ASAP1: variants seen among roughly 807,000 people sequenced by gnomAD.
ASAP1 encodes arf-GAP with SH3 domain, ANK repeat and PH domain-containing protein 1.
ASAP1 carries 43 observed loss-of-function variants against 145.2 expected under a neutral mutation model. That is an observed-to-expected ratio of 0.30 (90% confidence interval 0.23 to 0.38). ASAP1 has a LOEUF of 0.38. ASAP1 is among the 10% of genes least tolerant of loss of function. The pLI, the probability that ASAP1 is intolerant of heterozygous loss-of-function variation, is 1.00. For synonymous variants in ASAP1, 546 were observed against 515.5 expected (o/e 1.06, Z -0.80); for missense variants, 1,018 against 1,355.3 (o/e 0.75, Z 3.91).
intron 25 of ASAP1, among the ~76,000 whole-genome samples, chr8:130,082,501 CT>C (rs11414704): frequency 1.6e-3 from 205 of 130,660 alleles, no homozygotes; most frequent in East Asian, 2.5e-3. Context: ...CACACGTGGC[CT>C]TTTTTTTTTT....
At chr8:130,431,898 A>C (rs75305704) in intron 1 of ASAP1, among the ~76,000 whole-genome samples, 1,684 of 115,940 alleles carry the variant, frequency 0.015, 44 homozygotes, top group African/African-American at 0.055. Flanking sequence ...GAAGATAAGG[A>C]GGGGGAAATG....
In ASAP1 at chr8:130,347,953, T is replaced by C. The variant is rs575057057; in HGVS notation, c.186+10064A>G. Among the ~76,000 whole-genome samples the C allele has an allele frequency of 5.3e-5, 8 of 152,288 alleles. No individual in the cohort carries two copies. In the East Asian group the frequency reaches 1.5e-3, roughly 29 times the overall value. ...TGCTGGGGAAGGGGAAGGGACCTCTTACAATAAAACAGCCTAACACACTTG... is the reference window on the plus strand; with the variant it reads ...TGCTGGGGAAGGGGAAGGGACCTCTCACAATAAAACAGCCTAACACACTTG... On this transcript the variant is annotated intron_variant, in intron 3 of 29. Coordinates refer to ENST00000518721, the MANE Select transcript of ASAP1 (RefSeq NM_018482.4).
chr8:130,150,115 A>C lies in ASAP1; in HGVS notation c.1080+2621T>G, dbSNP rs560834814. Among the ~76,000 whole-genome samples, 10 of 152,366 alleles carry C rather than the reference A, an allele frequency of 6.6e-5. No individual in the cohort carries two copies. In the East Asian group the frequency reaches 1.9e-3, roughly 29 times the overall value. On this transcript the variant is annotated intron_variant, in intron 13 of 29. Transcript: ENST00000518721. ...ATGTTATCTCACTGAATCCTCATATAATCTTTATGTGTTAAATACTTTTCT... is the reference window on the plus strand; with the variant it reads ...ATGTTATCTCACTGAATCCTCATATCATCTTTATGTGTTAAATACTTTTCT...
chr8:130,311,340 T>G (rs1823328010), intron 3 of ASAP1, among the ~76,000 whole-genome samples: 1 of 152,256 alleles, frequency 6.6e-6, no homozygotes, highest in Non-Finnish European at 1.5e-5. Flanking sequence ...TAGAGAAATT[T>G]ACGTCTAAAA....
intron 3 of ASAP1, among the ~76,000 whole-genome samples, chr8:130,330,426 C>G (rs79953081): frequency 6.6e-6 from 1 of 152,342 alleles, no homozygotes; most frequent in South Asian, 2.1e-4. Flanking sequence ...CAGCTCTGAC[C>G]GGTCTATGCT....
chr8:130,239,088 G>T (rs1157514154), intron 3 of ASAP1, among the ~76,000 whole-genome samples: 2 of 152,072 alleles, frequency 1.3e-5, no homozygotes, highest in Admixed American at 1.3e-4. Flanking sequence ...AAGACACTTT[G>T]AAAATTACAA....
intron 3 of ASAP1, among the ~76,000 whole-genome samples, chr8:130,341,761 G>A (rs527586527): frequency 1.3e-5 from 2 of 152,106 alleles, no homozygotes; most frequent in Non-Finnish European, 2.9e-5. Flanking sequence ...AATGGTTCAC[G>A]AACAGGCTTT....
intron 7 of ASAP1, among the ~76,000 whole-genome samples, chr8:130,184,070 C>A (rs952794834): frequency 6.6e-6 from 1 of 152,158 alleles, no homozygotes; most frequent in Non-Finnish European, 1.5e-5. Flanking sequence ...AAGATTCACA[C>A]AGAACTAAGC....
chr8:130,178,838 G>A (rs1402430159), intron 9 of ASAP1, among the ~76,000 whole-genome samples: 6 of 151,766 alleles, frequency 4.0e-5, no homozygotes, highest in African/African-American at 9.7e-5. Context: ...AGAGTGAGCC[G>A]AGACTGCACC....
intron 18 of ASAP1, among the ~76,000 whole-genome samples, chr8:130,123,260 T>C (rs1592853126): frequency 6.6e-6 from 1 of 152,342 alleles, no homozygotes; most frequent in Non-Finnish European, 1.5e-5. Context: ...AATTTGTTTT[T>C]CATAGTGTAC....
chr8:130,376,245 T>C (rs532861905), intron 2 of ASAP1, among the ~76,000 whole-genome samples: 79 of 152,334 alleles, frequency 5.2e-4, no homozygotes, highest in Non-Finnish European at 9.3e-4. Flanking sequence ...TGCTCCACCC[T>C]GAATGCCAGA....
intron 3 of ASAP1, among the ~76,000 whole-genome samples, chr8:130,245,686 T>C (rs1339510336): frequency 6.6e-6 from 1 of 152,170 alleles, no homozygotes; most frequent in African/African-American, 2.4e-5. Context: ...GCAGGGCCTA[T>C]GTTAGGCCCA....
chr8:130,281,707 T>C (rs930541507), intron 3 of ASAP1, among the ~76,000 whole-genome samples: 1 of 152,214 alleles, frequency 6.6e-6, no homozygotes, highest in African/African-American at 2.4e-5. Flanking sequence ...GTGAACTCAT[T>C]TTCCTCTAAG....
chr8:130,323,614 G>C (rs1824147854), intron 3 of ASAP1, among the ~76,000 whole-genome samples: 1 of 152,030 alleles, frequency 6.6e-6, no homozygotes, highest in African/African-American at 2.4e-5. Context: ...TCCCTCTACT[G>C]TCTGTTCCCC....
chr8:130,150,299 G>A (rs935480082), intron 13 of ASAP1, among the ~76,000 whole-genome samples: 23 of 152,104 alleles, frequency 1.5e-4, no homozygotes, highest in African/African-American at 5.6e-4. Context: ...CCACAACAAT[G>A]TGTTTTGGCA....
intron 12 of ASAP1, among the ~76,000 whole-genome samples, chr8:130,153,385 T>TA (rs2097651693): frequency 4.3e-5 from 5 of 115,092 alleles, no homozygotes; most frequent in Non-Finnish European, 1.8e-5. Flanking sequence ...ATATATATAT[T>TA]TTGAGACAGG....
chr8:130,243,206 G>C (rs972908817), intron 3 of ASAP1, among the ~76,000 whole-genome samples: 2 of 152,162 alleles, frequency 1.3e-5, no homozygotes, highest in Non-Finnish European at 2.9e-5. Context: ...GATTGATAAA[G>C]TAAGTTGTTC....
chr8:130,133,340 T>C (rs2135787152), intron 15 of ASAP1, among the ~76,000 whole-genome samples: 1 of 152,318 alleles, frequency 6.6e-6, no homozygotes, highest in Non-Finnish European at 1.5e-5. Context: ...TAAGGTTGCA[T>C]ACCTGGTCAG....
At chr8:130,173,375 G>A (rs1813716060) in intron 9 of ASAP1, among the ~76,000 whole-genome samples, 1 of 152,168 alleles carries the variant, frequency 6.6e-6, no homozygotes, top group Admixed American at 6.5e-5. Context: ...GGTAGACAGA[G>A]AGCCACCACG....
Sources: allele counts gnomAD v4.1 joint callset (sites outside exome capture counted in the v4.1 genomes callset), GRCh38; gene constraint gnomAD v4.1.1; transcripts MANE v1.5; gene names NCBI Gene and HGNC (gene_info 2026-07-23, HGNC 2026-07-21).